PRKCA: variants seen among roughly 807,000 people sequenced by gnomAD.
The protein encoded by PRKCA is protein kinase C alpha type.
Under a neutral mutation model 87.0 loss-of-function variants are expected in PRKCA, and 27 were observed. The observed-to-expected ratio is 0.31, with a 90% CI of 0.23 to 0.43. PRKCA has a LOEUF of 0.43. PRKCA is among the 20% of genes least tolerant of loss of function. The pLI is 1.00. For synonymous variants in PRKCA, 329 were observed against 311.1 expected, an observed-to-expected ratio of 1.06 and a Z score of -0.61; for missense variants, 518 against 852.3, an observed-to-expected ratio of 0.61 and a Z score of 4.88.
intron 11 of PRKCA, 51 bp downstream of exon 11, chr17:66,738,906 C>A: frequency 7.2e-7 from 1 of 1,383,348 alleles, no homozygotes; most frequent in Non-Finnish European, 9.9e-7. Flanking sequence ...GTCCTACCAA[C>A]TGGAAACTTC....
chr17:66,325,201 T>C (rs1405111515), intron 2 of PRKCA, among the ~76,000 whole-genome samples: 3 of 152,260 alleles, frequency 2.0e-5, no homozygotes, highest in Non-Finnish European at 1.5e-5. Flanking sequence ...TAGGCCAGAA[T>C]TGAGTTGGTT....
At chr17:66,346,801 A>G (rs1393105401) in intron 2 of PRKCA, among the ~76,000 whole-genome samples, 5 of 151,916 alleles carry the variant, frequency 3.3e-5, no homozygotes, top group Non-Finnish European at 5.9e-5. Flanking sequence ...GGCCGAGGCA[A>G]GCAGATCACT....
intron 3 of PRKCA, among the ~76,000 whole-genome samples, chr17:66,613,219 T>A (rs1598814387): frequency 6.6e-6 from 1 of 152,196 alleles, no homozygotes; most frequent in Admixed American, 6.5e-5. Context: ...TCTGCCAGAA[T>A]CCTAGAGCCT....
intron 13 of PRKCA, among the ~76,000 whole-genome samples, chr17:66,756,108 G>A (rs1974541866): frequency 6.6e-6 from 1 of 152,198 alleles, no homozygotes; most frequent in Admixed American, 6.5e-5. Context: ...CTCAGGAAGC[G>A]CTGCCGGGTC....
intron 1 of PRKCA, among the ~76,000 whole-genome samples, chr17:66,303,504 G>GA (rs960677292): frequency 4.3e-3 from 2 of 468 alleles, no homozygotes; most frequent in Admixed American, 0.1. Context: ...CGTTCGGGGT[G>GA]GGGGGGTTGT....
chr17:66,697,717 G>A, intron 8 of PRKCA, among the ~76,000 whole-genome samples: 1 of 152,184 alleles, frequency 6.6e-6, no homozygotes, highest in South Asian at 2.1e-4. Flanking sequence ...CCTCTGAAGT[G>A]TTCTACAGAC....
intron 5 of PRKCA, among the ~76,000 whole-genome samples, chr17:66,659,663 T>A (rs555332374): frequency 5.3e-5 from 8 of 152,012 alleles, no homozygotes; most frequent in Non-Finnish European, 8.8e-5. Flanking sequence ...GTGGGAGGAT[T>A]ACCTGAGCCC....
chr17:66,701,150 G>A (rs1023540288), intron 8 of PRKCA, among the ~76,000 whole-genome samples: 1 of 152,092 alleles, frequency 6.6e-6, no homozygotes, highest in Non-Finnish European at 1.5e-5. Context: ...CCACACATAC[G>A]TGGTCAACTA....
intron 3 of PRKCA, among the ~76,000 whole-genome samples, chr17:66,624,873 G>A (rs938879756): frequency 2.0e-5 from 3 of 151,956 alleles, no homozygotes; most frequent in South Asian, 2.1e-4. Context: ...AATTATAAAT[G>A]AATTAAAAGA....
intron 9 of PRKCA, among the ~76,000 whole-genome samples, chr17:66,734,416 T>C (rs1905104259): frequency 6.6e-6 from 1 of 152,206 alleles, no homozygotes; most frequent in Non-Finnish European, 1.5e-5. Context: ...TCCTCCATCT[T>C]TTAGACTATA....
intron 5 of PRKCA, among the ~76,000 whole-genome samples, chr17:66,663,985 A>T (rs1269044152): frequency 6.6e-6 from 1 of 151,866 alleles, no homozygotes; most frequent in Non-Finnish European, 1.5e-5. Context: ...CTCGTGGCTC[A>T]GCCTCCTGAG....
At chr17:66,454,293 C>A (rs955568130) in intron 2 of PRKCA, among the ~76,000 whole-genome samples, 1 of 152,146 alleles carries the variant, frequency 6.6e-6, no homozygotes, top group South Asian at 2.1e-4. Context: ...GTCCCAGGGG[C>A]CTAATGCCTC....
At chr17:66,722,475 T>G (rs570498879) in intron 8 of PRKCA, among the ~76,000 whole-genome samples, 1 of 152,332 alleles carries the variant, frequency 6.6e-6, no homozygotes, top group South Asian at 2.1e-4. Context: ...TTTTTACACA[T>G]GTACCATAAC....
intron 2 of PRKCA, among the ~76,000 whole-genome samples, chr17:66,422,000 G>A (rs1674460278): frequency 6.6e-6 from 1 of 152,032 alleles, no homozygotes; most frequent in African/African-American, 2.4e-5. Context: ...GTCAGCAGGG[G>A]GTTGGTTTTG....
chr17:66,797,011 G>A, intron 16 of PRKCA: 1 of 968,476 alleles, frequency 1.0e-6, no homozygotes. Flanking sequence ...TTTAACAGCA[G>A]TGTTTTGAGC....
intron 2 of PRKCA, among the ~76,000 whole-genome samples, chr17:66,312,032 G>A (rs1598582664): frequency 6.6e-6 from 1 of 151,856 alleles, no homozygotes; most frequent in African/African-American, 2.4e-5. Flanking sequence ...CCCAGGCTGC[G>A]GTGCAATGGT....
In PRKCA at chr17:66,400,308, C is replaced by T. The variant is rs185051107; in HGVS notation, c.205+94181C>T. ...CTGGGACTACAGGTGCGTGCCACCACGCTCAGCTAATTTTTGCATTTTTAG... is the reference window on the plus strand; with the variant it reads ...CTGGGACTACAGGTGCGTGCCACCATGCTCAGCTAATTTTTGCATTTTTAG... On this transcript the variant is annotated intron_variant, in intron 2 of 16. Transcript: ENST00000413366. Among the ~76,000 whole-genome samples, 15 of 152,266 alleles carry T rather than the reference C, an allele frequency of 9.9e-5. 1 individual carries two copies. Among genetic ancestry groups the T allele is most frequent in the Admixed American group, 4.6e-4 (7 of 15,294 alleles).
chr17:66,352,902 C>T (rs879834046), intron 2 of PRKCA, among the ~76,000 whole-genome samples: 1 of 151,764 alleles, frequency 6.6e-6, no homozygotes, highest in Non-Finnish European at 1.5e-5. Context: ...AGGGAAGTGG[C>T]GAAGAATGGT....
intron 2 of PRKCA, among the ~76,000 whole-genome samples, chr17:66,424,842 CGGGCTCAAG>C (rs1555602455): frequency 1.3e-5 from 2 of 151,770 alleles, no homozygotes; most frequent in Non-Finnish European, 2.9e-5. Context: ...CTCAACCACC[CGGGCTCAAG>C]CGATTCTCCC....
Sources: gnomAD v4.1 joint callset for allele counts (sites outside exome capture counted in the v4.1 genomes callset) on GRCh38, gnomAD v4.1.1 for gene constraint, MANE v1.5 for transcripts, NCBI Gene and HGNC (gene_info 2026-07-23, HGNC 2026-07-21) for gene names.